The following SLC44A5 variants were observed in gnomAD, a reference collection of about 807,000 sequenced individuals.
SLC44A5 encodes choline transporter-like protein 5.
SLC44A5 carries 57 observed loss-of-function variants against 101.8 expected under a neutral mutation model. That is an observed-to-expected ratio of 0.56 (90% CI 0.45 to 0.70). SLC44A5 has a LOEUF of 0.70. Ranked by LOEUF, SLC44A5 falls within the 30% of genes least tolerant of loss-of-function variation. The pLI is 0.00. For synonymous variants in SLC44A5, 281 were observed against 290.9 expected, an observed-to-expected ratio of 0.97 and a Z score of 0.35; for missense variants, 737 against 853.1, an observed-to-expected ratio of 0.86 and a Z score of 1.70.
intron 2 of SLC44A5, among the ~76,000 whole-genome samples, chr1:75,451,750 T>G (rs1189359130): frequency 6.6e-6 from 1 of 152,022 alleles, no homozygotes; most frequent in Non-Finnish European, 1.5e-5. Context: ...AAGAAATAAT[T>G]ATTTCAGAAC....
intron 2 of SLC44A5, among the ~76,000 whole-genome samples, chr1:75,445,924 A>G (rs983102916): frequency 5.9e-5 from 9 of 152,176 alleles, no homozygotes; most frequent in Non-Finnish European, 8.8e-5. Context: ...TGCTCGGGGA[A>G]GAAACTTAGC....
intron 14 of SLC44A5, among the ~76,000 whole-genome samples, chr1:75,221,579 A>T (rs1454019949): frequency 6.6e-6 from 1 of 152,210 alleles, no homozygotes; most frequent in African/African-American, 2.4e-5. Context: ...CTATTAGAAA[A>T]TTATGTCACT....
chr1:75,375,353 C>T (rs2347214), intron 3 of SLC44A5, among the ~76,000 whole-genome samples: 290 of 152,128 alleles, frequency 1.9e-3, no homozygotes, highest in African/African-American at 6.2e-3. Flanking sequence ...AGAGACTATA[C>T]GTGTGACTCA....
chr1:75,539,670 C>T (rs983794990), intron 2 of SLC44A5, among the ~76,000 whole-genome samples: 4 of 152,028 alleles, frequency 2.6e-5, no homozygotes, highest in Non-Finnish European at 4.4e-5. Context: ...ATGGCTCAAG[C>T]CCAAGGAATC....
At chr1:75,371,963 G>A (rs1181259527) in intron 3 of SLC44A5, among the ~76,000 whole-genome samples, 3 of 152,138 alleles carry the variant, frequency 2.0e-5, no homozygotes, top group Admixed American at 6.5e-5. Flanking sequence ...TTGGGAGGCC[G>A]AGGCGGGCAG....
intron 1 of SLC44A5, among the ~76,000 whole-genome samples, chr1:75,587,768 C>T (rs1557937503): frequency 6.6e-6 from 1 of 152,288 alleles, no homozygotes; most frequent in East Asian, 1.9e-4. Flanking sequence ...GGACAAACAA[C>T]CAGTTGTGAC....
At position 75,312,512 on chromosome 1, in the gene SLC44A5, T is replaced by TG. The variant is rs113020911; in HGVS notation, c.102-11828dup. Among the ~76,000 whole-genome samples the TG allele has an allele frequency of 4.0e-5, 6 of 151,852 alleles. No homozygotes were observed. In the South Asian group the frequency reaches 1.0e-3, roughly 26 times the overall value. On this transcript the variant is annotated intron_variant, in intron 4 of 23. Transcript: ENST00000370859. ...GTGAGTTCTATATCTGGGGCGGGGATGGGGGGTGTTACAGAAGCGAGTTTG... is the reference window on the plus strand; with the variant it reads ...GTGAGTTCTATATCTGGGGCGGGGATGGGGGGGTGTTACAGAAGCGAGTTTG...
chr1:75,493,714 A>C (rs1003624289), intron 2 of SLC44A5, among the ~76,000 whole-genome samples: 3 of 152,242 alleles, frequency 2.0e-5, no homozygotes, highest in Admixed American at 6.5e-5. Flanking sequence ...CAGAATATAA[A>C]ACAAACCATC....
chr1:75,700,554 G>A, the SLC44A5 span, among the ~76,000 whole-genome samples: 6 of 152,070 alleles, frequency 3.9e-5, no homozygotes, highest in Admixed American at 2.0e-4. Context: ...AGAGAAAGCA[G>A]GAAAGATCTA....
chr1:75,447,695 C>T (rs1404443865), intron 2 of SLC44A5, among the ~76,000 whole-genome samples: 3 of 152,076 alleles, frequency 2.0e-5, no homozygotes, highest in Non-Finnish European at 1.5e-5. Context: ...TAAACTCACA[C>T]AAAAATACCC....
chr1:75,399,621 A>G (rs1662347835), intron 2 of SLC44A5, among the ~76,000 whole-genome samples: 1 of 152,206 alleles, frequency 6.6e-6, no homozygotes, highest in South Asian at 2.1e-4. Context: ...GCTAAATTTA[A>G]CATTTGTTGT....
chr1:75,611,172 C>A, upstream of SLC44A5: 1 of 855,592 alleles, frequency 1.2e-6, no homozygotes. Context: ...AAGGGCCATA[C>A]CCCATTCTTA....
intron 6 of SLC44A5, among the ~76,000 whole-genome samples, chr1:75,265,497 T>C (rs1435165469): frequency 6.6e-6 from 1 of 152,140 alleles, no homozygotes; most frequent in Non-Finnish European, 1.5e-5. Context: ...TAATGTTCCA[T>C]AGCATGGAAA....
intron 1 of SLC44A5, among the ~76,000 whole-genome samples, chr1:75,609,735 G>C (rs552755378): frequency 6.6e-6 from 1 of 152,076 alleles, no homozygotes; most frequent in South Asian, 2.1e-4. Context: ...TAGGAAAGAG[G>C]GCTAAGATTC....
chr1:75,527,744 T>C (rs886518650), intron 2 of SLC44A5, among the ~76,000 whole-genome samples: 1 of 152,234 alleles, frequency 6.6e-6, no homozygotes, highest in South Asian at 2.1e-4. Context: ...TTAATTTTAC[T>C]TTTTGAAATC....
intron 6 of SLC44A5, 78 bp downstream of exon 6, chr1:75,274,880 G>A (rs922154938): frequency 1.6e-5 from 18 of 1,128,188 alleles, no homozygotes; most frequent in Non-Finnish European, 2.1e-5. Context: ...AAGAAGTCTG[G>A]TAGGATTACT....
rs1173200244 is a variant in SLC44A5, at chr1:75,584,486, TG to T, written c.-70+26553del. On this transcript the variant is annotated intron_variant, in intron 1 of 23. Transcript: ENST00000370859. ...TTAGAAAAGCTAGAGTCCTCATATTTGGAAGACGGATTCACTGACACTTTCT... is the reference window on the plus strand; with the variant it reads ...TTAGAAAAGCTAGAGTCCTCATATTTGAAGACGGATTCACTGACACTTTCT... 2.3e-4 allele frequency among the ~76,000 whole-genome samples: 35 copies of T among 152,248 alleles called. 1 individual carries two copies. The highest frequency in any genetic ancestry group is 8.2e-4 in the African/African-American group (34 of 41,480).
intron 6 of SLC44A5, among the ~76,000 whole-genome samples, chr1:75,258,148 T>G (rs988853692): frequency 2.0e-5 from 3 of 152,070 alleles, no homozygotes. Context: ...AGTCACAGTT[T>G]TTTTTCATAC....
chr1:75,673,379 G>A, the SLC44A5 span, among the ~76,000 whole-genome samples: 2 of 152,012 alleles, frequency 1.3e-5, no homozygotes, highest in African/African-American at 4.8e-5. Flanking sequence ...CTTGTGGCTT[G>A]GGTTCCAACT....
Sources: allele counts gnomAD v4.1 joint callset (sites outside exome capture counted in the v4.1 genomes callset), GRCh38; gene constraint gnomAD v4.1.1; transcripts MANE v1.5; gene names NCBI Gene and HGNC (gene_info 2026-07-23, HGNC 2026-07-21).